TLN1: variants seen among roughly 807,000 people sequenced by gnomAD.
The protein encoded by TLN1 is talin 1, also known as talin-1.
TLN1 carries 56 observed loss-of-function variants against 292.3 expected under a neutral mutation model. That is an observed-to-expected ratio of 0.19 (90% confidence interval 0.15 to 0.24). The LOEUF (loss-of-function observed/expected upper bound fraction) is 0.24, where lower values mean the gene tolerates loss of function less well. Ranked by LOEUF, TLN1 falls within the 10% of genes least tolerant of loss-of-function variation. The pLI is 1.00. For missense variants in TLN1, 2,433 were observed against 3,248.2 expected, an observed-to-expected ratio of 0.75 and a Z score of 6.10; for synonymous variants, 1,119 against 1,253.7, an observed-to-expected ratio of 0.89 and a Z score of 2.27.
intron 48 of TLN1, among the ~76,000 whole-genome samples, chr9:35,702,154 T>C (rs1405414664): frequency 6.6e-6 from 1 of 152,086 alleles, no homozygotes; most frequent in East Asian, 1.9e-4. Flanking sequence ...ATATGGTGGC[T>C]AAGATGGTGA....
At chr9:35,701,343 C>G (rs1305388615) in intron 48 of TLN1, among the ~76,000 whole-genome samples, 1 of 152,172 alleles carries the variant, frequency 6.6e-6, no homozygotes, top group Admixed American at 6.5e-5. Flanking sequence ...CTGGAGTGAT[C>G]ATAGTTCACT....
At chr9:35,713,544 C>T (rs1301248383) in intron 25 of TLN1, among the ~76,000 whole-genome samples, 1 of 151,864 alleles carries the variant, frequency 6.6e-6, no homozygotes, top group East Asian at 1.9e-4. Flanking sequence ...ATTAGCCAGG[C>T]GTGGTGGTGC....
At chr9:35,723,639 T>G in intron 7 of TLN1, 1 of 312,742 alleles carries the variant, frequency 3.2e-6, no homozygotes, top group Non-Finnish European at 6.0e-6. Context: ...TTAACCCATG[T>G]TCCCTATAGG....
chr9:35,704,882 A>G lies in TLN1; in HGVS notation c.5734-67T>C. ...CTCAGGGTACCTTCACTGTGCTTGG[A>G]AAAGTCACTAAGGACATAGAAAAAA... is the stretch of plus-strand genomic sequence containing the variant. On this transcript the variant is annotated intron_variant, in intron 43 of 56. Transcript: ENST00000314888. The surrounding 1 kb of genome is among the most constrained non-coding windows in gnomAD (Gnocchi z 6.9). The G allele has an allele frequency of 2.6e-6, 4 of 1,529,072 alleles. No individual in the cohort carries two copies. The highest frequency in any genetic ancestry group is 3.5e-6 in the Non-Finnish European group (4 of 1,130,540). 94.7% of individuals were successfully genotyped at this position (1,529,072 alleles called of 1,614,324 possible).
In TLN1 at chr9:35,717,498, C is replaced by T. The variant is rs1825807565; in HGVS notation, c.2164-58G>A. 1 of 1,584,444 alleles carries T rather than the reference C, an allele frequency of 6.3e-7. No individual in the cohort carries two copies. Among genetic ancestry groups the T allele is most frequent in the African/African-American group, 1.3e-5 (1 of 74,520 alleles). ...AAGGGAAAGGAGGTAGAGTATGCTGCTCATAGCAGTAACTGGGATGGGTGA... is the reference window on the plus strand; with the variant it reads ...AAGGGAAAGGAGGTAGAGTATGCTGTTCATAGCAGTAACTGGGATGGGTGA... On this transcript the variant is annotated intron_variant, in intron 18 of 56. Transcript: ENST00000314888. The surrounding 1 kb of genome is among the most constrained non-coding windows in gnomAD (Gnocchi z 4.7).
At chr9:35,721,933 G>A (rs148907442) in intron 9 of TLN1, 130 bp from the exon 10 acceptor site, 12 of 1,313,988 alleles carry the variant, frequency 9.1e-6, no homozygotes, top group African/African-American at 1.5e-5. Context: ...AAAATGCAGG[G>A]TAGGGAGGGA....
Position 35,704,055 on chromosome 9 carries a change from G to A in TLN1, c.6167C>T (p.Thr2056Ile). Residue 2056 changes from threonine to isoleucine, a missense_variant, in exon 46 of 57, where the codon ACC becomes ATC. Coordinates refer to ENST00000314888, the MANE Select transcript of TLN1 (RefSeq NM_006289.4). This position sits in a 1 kb window ranked among gnomAD's most constrained non-coding sequence, Gnocchi z 6.9. ...QAAQSSVATI[T>I]RLADVVKLGA... The stretch of plus-strand genomic sequence containing the variant: ...CAGCTTGACCACATCAGCGAGGCGG[G>A]TGATGGTCGCCACGGAGGACTGGGC... 6.2e-7 allele frequency: 1 copy of A among 1,613,894 alleles called. No homozygotes were observed. The highest frequency in any genetic ancestry group is 8.5e-7 in the Non-Finnish European group (1 of 1,179,940).
Position 35,711,994 on chromosome 9 carries a change from C to G in TLN1, c.3681+11G>C. 1 of 1,613,188 alleles carries G rather than the reference C, an allele frequency of 6.2e-7. No homozygotes were observed. Among genetic ancestry groups the G allele is most frequent in the Non-Finnish European group, 8.5e-7 (1 of 1,179,790 alleles). On this transcript the variant is annotated intron_variant, in intron 28 of 56. Coordinates refer to ENST00000314888, the MANE Select transcript of TLN1 (RefSeq NM_006289.4). ...ACTCCTACGTTCCCCCACCCCCTAC[C>G]GTCCTCCTACCGAGTCACTCAGGAG...
intron 1 of TLN1, among the ~76,000 whole-genome samples, chr9:35,728,043 A>G (rs1826008524): frequency 6.6e-6 from 1 of 152,090 alleles, no homozygotes; most frequent in Non-Finnish European, 1.5e-5. Context: ...ATTGTGTTTG[A>G]TGGAACAGCA....
chr9:35,722,302 C>G lies in TLN1; in HGVS notation c.844-79G>C, dbSNP rs145904673. ...AATTAAGGTTGGATGCTAACTCTAA[C>G]GAGAGAGAATTATGGGGACACTGGA... On this transcript the variant is annotated intron_variant, in intron 8 of 56. Transcript: ENST00000314888. 7.6e-5 allele frequency: 95 copies of G among 1,254,348 alleles called. 4 individuals carry two copies. The South Asian group carries it at 1.1e-3, about 15-fold the overall frequency. 77.7% of individuals were successfully genotyped at this position (1,254,348 alleles called of 1,614,324 possible). A position where few individuals can be genotyped will look rare whatever the true frequency, so the allele number is the denominator to read the frequency against.
At chr9:35,723,479 C>A in intron 7 of TLN1, 1 of 191,648 alleles carries the variant, frequency 5.2e-6, no homozygotes, top group South Asian at 8.8e-5. Flanking sequence ...GAGGCTCAGT[C>A]CCTGAGGGAA....
chr9:35,725,500 C>T (rs1825960738), intron 2 of TLN1, 65 bp downstream of exon 2: 17 of 1,590,058 alleles, frequency 1.1e-5, no homozygotes, highest in East Asian at 6.8e-5. Context: ...CTCTCAAGGC[C>T]GAGAGCCTGG....
At chr9:35,723,280 T>C (rs933838191) in intron 7 of TLN1, 1 of 236,950 alleles carries the variant, frequency 4.2e-6, no homozygotes, top group Non-Finnish European at 8.4e-6. Flanking sequence ...TTTGTATTTT[T>C]AGTAGAGATA....
rs757116039 is a variant in TLN1 at position 35,706,478 on chromosome 9, C to T, written c.5162G>A (p.Arg1721Gln). 7.4e-6 allele frequency: 12 copies of T among 1,613,970 alleles called. No homozygotes were observed. Among genetic ancestry groups the T allele is most frequent in the East Asian group, 4.5e-5 (2 of 44,888 alleles). ...GTGTCCCAGCTGGGAGGCTTCAGCC[C>T]GGGCAGCATTGGCCAGCGGCTCAAT... is the stretch of plus-strand genomic sequence containing the variant. ...HLIEPLANAA[R>Q]AEASQLGHKV... is the part of the protein sequence containing the mutation. The change falls in exon 39 of 57, where the codon CGG (arginine) becomes CAG (glutamine). Residue 1721 changes from arginine (R) to glutamine (Q), a missense_variant. Arg to Gln is a conservative substitution (Grantham distance 43). Transcript: ENST00000314888. This position sits in a 1 kb window ranked among gnomAD's most constrained non-coding sequence, Gnocchi z 4.2.
In TLN1 at chr9:35,700,222, C is replaced by G; in HGVS notation, c.6629G>C (p.Arg2210Pro). 6.2e-7 allele frequency: 1 copy of G among 1,610,890 alleles called. No homozygotes were observed. Among genetic ancestry groups the G allele is most frequent in the East Asian group, 2.2e-5 (1 of 44,786 alleles). The change falls in exon 49 of 57, where the codon CGT becomes CCT. Residue 2210 changes from arginine (R) to proline (P), a missense_variant. Arg to Pro is a moderately radical substitution (Grantham distance 103). This residue lies in a region of TLN1 where 1,384 missense variants were observed against 1,699.6 expected (regional missense o/e 0.81). Coordinates refer to ENST00000314888, the MANE Select transcript of TLN1 (RefSeq NM_006289.4). ...DVIATANLSRRAIADMLRACK... is the reference protein window; with the variant it reads ...DVIATANLSRPAIADMLRACK... Reference sequence around the variant, plus strand: ...AGCCCGAAGCATATCTGCAATAGCACGGCGGCTCAGATTGGCTGTGGCAAT... The same window carrying G: ...AGCCCGAAGCATATCTGCAATAGCAGGGCGGCTCAGATTGGCTGTGGCAAT...
rs750483415 is a variant in TLN1 at position 35,699,893 on chromosome 9, A to G, written c.6768+81T>C. ...TAGGGAGGAGATCTGAGCAAAACAG[A>G]CAGCAGGGTGCGAGGCCTGCAGGAA... On this transcript the variant is annotated intron_variant, in intron 50 of 56. Transcript: ENST00000314888. This position sits in a 1 kb window ranked among gnomAD's most constrained non-coding sequence, Gnocchi z 4.0. The G allele has an allele frequency of 1.0e-4, 141 of 1,413,070 alleles. No homozygotes were observed. Among genetic ancestry groups the G allele is most frequent in the Middle Eastern group, 6.7e-4 (3 of 4,468 alleles). 87.5% of individuals were successfully genotyped at this position (1,413,070 alleles called of 1,614,324 possible).
rs1476313417 is a variant in TLN1 at position 35,717,094 on chromosome 9, G to A, written c.2458+52C>T. On this transcript the variant is annotated intron_variant, in intron 19 of 56. Transcript: ENST00000314888. This position sits in a 1 kb window ranked among gnomAD's most constrained non-coding sequence, Gnocchi z 4.7. ...TCCGCAAGGGGATGATGTCCAGTGGGCTTAGGGAACCCTGGTAGGGTTTTT... is the reference window on the plus strand; with the variant it reads ...TCCGCAAGGGGATGATGTCCAGTGGACTTAGGGAACCCTGGTAGGGTTTTT... 1.9e-6 allele frequency: 3 copies of A among 1,547,778 alleles called. No individual in the cohort carries two copies. The highest frequency in any genetic ancestry group is 2.6e-6 in the Non-Finnish European group (3 of 1,143,622).
chr9:35,718,921 T>A lies in TLN1; in HGVS notation c.1897-11A>T. On this transcript the variant is annotated splice_polypyrimidine_tract_variant and intron_variant, in intron 16 of 56. Coordinates refer to ENST00000314888, the MANE Select transcript of TLN1 (RefSeq NM_006289.4). Reference sequence around the variant, plus strand: ...CAGGTTCTGACGGGGCTGTGGAGAGTGAACACCAGTCAGAAGCTGCCCAAT... The same window carrying A: ...CAGGTTCTGACGGGGCTGTGGAGAGAGAACACCAGTCAGAAGCTGCCCAAT... 1.9e-6 allele frequency: 3 copies of A among 1,609,910 alleles called. No homozygotes were observed. Among genetic ancestry groups the A allele is most frequent in the Non-Finnish European group, 2.5e-6 (3 of 1,178,042 alleles).
chr9:35,700,446 G>A lies in TLN1; in HGVS notation c.6475-70C>T, dbSNP rs910571471. 3 of 1,472,890 alleles carry A rather than the reference G, an allele frequency of 2.0e-6. No homozygotes were observed. In the African/African-American group the frequency reaches 4.2e-5, roughly 21 times the overall value. 91.2% of individuals were successfully genotyped at this position (1,472,890 alleles called of 1,614,324 possible). On this transcript the variant is annotated intron_variant, in intron 48 of 56. Transcript: ENST00000314888. ...TATGAGACAGCGTAGAACTCTGTGTGCATGTGATTTGGTGCAGACATTCAC... is the reference window on the plus strand; with the variant it reads ...TATGAGACAGCGTAGAACTCTGTGTACATGTGATTTGGTGCAGACATTCAC...
Sources: gnomAD v4.1 joint callset for allele counts (sites outside exome capture counted in the v4.1 genomes callset) on GRCh38, gnomAD v4.1.1 for gene constraint, gnomAD v4.1.1 regional missense constraint, Gnocchi (gnomAD v3.1) non-coding constraint, MANE v1.5 for transcripts, NCBI Gene and HGNC (gene_info 2026-07-23, HGNC 2026-07-21) for gene names.